Variants in LPP observed in about 807,000 individuals in gnomAD.
The protein encoded by LPP is LIM domain containing preferred translocation partner in lipoma, also known as lipoma-preferred partner.
LPP carries 38 observed loss-of-function variants against 60.4 expected under a neutral mutation model. That is an observed-to-expected ratio of 0.63 (90% CI 0.49 to 0.83). The LOEUF (loss-of-function observed/expected upper bound fraction) is 0.83. Ranked by LOEUF, LPP falls within the 40% of genes least tolerant of loss-of-function variation. The pLI is 0.00. For synonymous variants in LPP, 328 were observed against 290.8 expected (o/e 1.13, Z -1.30); for missense variants, 902 against 783.6 (o/e 1.15, Z -1.80).
chr3:188,299,661 T>C (rs1355135409), intron 2 of LPP, among the ~76,000 whole-genome samples: 3 of 152,158 alleles, frequency 2.0e-5, no homozygotes, highest in African/African-American at 7.2e-5. Flanking sequence ...TGTTTTTTGA[T>C]TCTTGGTTCT....
At chr3:188,355,753 T>C (rs937000622) in intron 3 of LPP, among the ~76,000 whole-genome samples, 1 of 152,234 alleles carries the variant, frequency 6.6e-6, no homozygotes, top group African/African-American at 2.4e-5. Context: ...TCCCACGTTG[T>C]AGAAAAGTTT....
chr3:188,554,778 G>A (rs1027338850), intron 6 of LPP, among the ~76,000 whole-genome samples: 4 of 152,130 alleles, frequency 2.6e-5, no homozygotes, highest in Non-Finnish European at 4.4e-5. Context: ...ACTCCAATAA[G>A]AATAACCAGA....
chr3:188,309,486 T>A (rs1302733056), intron 2 of LPP, among the ~76,000 whole-genome samples: 3 of 152,148 alleles, frequency 2.0e-5, no homozygotes, highest in East Asian at 3.9e-4. Flanking sequence ...TGATTGATGA[T>A]CCCTGATTTC....
intron 5 of LPP, among the ~76,000 whole-genome samples, chr3:188,515,601 G>A (rs1295608339): frequency 1.3e-5 from 2 of 152,054 alleles, no homozygotes; most frequent in African/African-American, 4.8e-5. Flanking sequence ...AGCCAGTATT[G>A]CACTTCAGAT....
chr3:188,579,512 TTCA>T (rs1287069843), intron 6 of LPP, among the ~76,000 whole-genome samples: 3 of 152,226 alleles, frequency 2.0e-5, no homozygotes, highest in East Asian at 1.9e-4. Flanking sequence ...ATCATACATG[TTCA>T]TCATGTTTCT....
intron 2 of LPP, among the ~76,000 whole-genome samples, chr3:188,242,015 G>A (rs575397355): frequency 5.9e-5 from 9 of 152,182 alleles, no homozygotes; most frequent in South Asian, 4.1e-4. Context: ...AGTGAGTGAT[G>A]AGGCCAAATC....
chr3:188,212,166 GTTGTT>G (rs763169704), intron 1 of LPP, among the ~76,000 whole-genome samples: 6 of 152,110 alleles, frequency 3.9e-5, no homozygotes, highest in Non-Finnish European at 7.3e-5. Context: ...GCCGAGAGGA[GTTGTT>G]TTGAGACTCA....
chr3:188,769,026 T>C (rs1278402654), intron 9 of LPP, among the ~76,000 whole-genome samples: 2 of 152,170 alleles, frequency 1.3e-5, no homozygotes, highest in African/African-American at 4.8e-5. Flanking sequence ...GAAAGTTTAG[T>C]AAGCTGACAA....
chr3:188,323,406 C>T (rs551504783), intron 2 of LPP, among the ~76,000 whole-genome samples: 3 of 152,320 alleles, frequency 2.0e-5, no homozygotes, highest in African/African-American at 7.2e-5. Flanking sequence ...GTTCACCATG[C>T]ATCTTCACAG....
chr3:188,363,799 G>C (rs779420100), intron 3 of LPP, among the ~76,000 whole-genome samples: 15 of 151,764 alleles, frequency 9.9e-5, no homozygotes, highest in Non-Finnish European at 2.1e-4. Flanking sequence ...CAACTACTAG[G>C]GAGGCTGAGG....
intron 4 of LPP, among the ~76,000 whole-genome samples, chr3:188,425,391 A>G (rs1415716751): frequency 6.6e-6 from 1 of 152,148 alleles, no homozygotes; most frequent in East Asian, 1.9e-4. Context: ...CATCAGGGAT[A>G]TTGGCCTGAA....
At chr3:188,431,651 A>G (rs1180133360) in intron 4 of LPP, among the ~76,000 whole-genome samples, 2 of 152,136 alleles carry the variant, frequency 1.3e-5, no homozygotes, top group African/African-American at 2.4e-5. Flanking sequence ...GGAAGGGTGA[A>G]TGGAAAGGAC....
At chr3:188,480,684 G>A (rs1804528473) in intron 4 of LPP, among the ~76,000 whole-genome samples, 1 of 152,192 alleles carries the variant, frequency 6.6e-6, no homozygotes, top group African/African-American at 2.4e-5. Context: ...CAGAGTCTGA[G>A]AGGTGAGTTG....
At chr3:188,852,620 ACCTTCTG>A (rs1762924628) in intron 9 of LPP, among the ~76,000 whole-genome samples, 1 of 152,034 alleles carries the variant, frequency 6.6e-6, no homozygotes, top group Non-Finnish European at 1.5e-5. Flanking sequence ...TCCTCTCTTG[ACCTTCTG>A]CCTTCTGCCC....
intron 3 of LPP, among the ~76,000 whole-genome samples, chr3:188,364,381 G>A (rs6790414): frequency 0.2 from 29,997 of 152,032 alleles, 3,186 homozygotes; most frequent in East Asian, 0.4. Flanking sequence ...GCCTTCGTTC[G>A]TTTTTTAGAC....
chr3:188,450,022 C>G (rs1796223475), intron 4 of LPP, among the ~76,000 whole-genome samples: 2 of 152,218 alleles, frequency 1.3e-5, no homozygotes, highest in South Asian at 4.2e-4. Context: ...TCAGGCTGGT[C>G]TTCAGCTCCT....
At chr3:188,428,129 A>G (rs1277047576) in intron 4 of LPP, among the ~76,000 whole-genome samples, 7 of 152,142 alleles carry the variant, frequency 4.6e-5, no homozygotes, top group Admixed American at 1.3e-4. Flanking sequence ...ACCGTTTGTC[A>G]TGGCACAGTC....
At chr3:188,525,328 C>T (rs1036420016) in intron 6 of LPP, among the ~76,000 whole-genome samples, 1 of 152,146 alleles carries the variant, frequency 6.6e-6, no homozygotes, top group African/African-American at 2.4e-5. Flanking sequence ...TTAATATCAA[C>T]ATGTATTAGT....
chr3:188,179,184 A>G (rs983461235), intron 1 of LPP: 15 of 451,196 alleles, frequency 3.3e-5, no homozygotes, highest in Non-Finnish European at 6.3e-5. Context: ...TCATAGAAGC[A>G]TGCTGCCCTC....
Sources: gnomAD v4.1 joint callset for allele counts (sites outside exome capture counted in the v4.1 genomes callset) on GRCh38, gnomAD v4.1.1 for gene constraint, MANE v1.5 for transcripts, NCBI Gene and HGNC (gene_info 2026-07-23, HGNC 2026-07-21) for gene names.